The following ITGB1 variants were observed in gnomAD, a reference collection of about 807,000 sequenced individuals.
ITGB1 encodes integrin subunit beta 1.
ITGB1 carries 24 observed loss-of-function variants against 86.5 expected under a neutral mutation model. The observed-to-expected ratio is 0.28, with a 90% CI of 0.20 to 0.39. ITGB1 has a LOEUF of 0.39. ITGB1 is among the 10% of genes least tolerant of loss of function. The probability of loss-of-function intolerance (pLI) is 1.00; values close to 1 mark genes in which losing one functional copy is unlikely to be tolerated. For synonymous variants in ITGB1, 323 were observed against 316.8 expected (o/e 1.02, Z -0.21); for missense variants, 556 against 946.9 (o/e 0.59, Z 5.42).
intron 1 of ITGB1, among the ~76,000 whole-genome samples, chr10:32,946,223 A>G (rs2095031004): frequency 6.6e-6 from 1 of 152,250 alleles, no homozygotes; most frequent in East Asian, 1.9e-4. Context: ...GGAATTATGT[A>G]AAGTAAGCAT....
At chr10:32,917,054 T>A (rs538794465) in intron 11 of ITGB1, among the ~76,000 whole-genome samples, 9 of 152,302 alleles carry the variant, frequency 5.9e-5, no homozygotes, top group South Asian at 2.1e-4. Context: ...TACAACCATC[T>A]GATCTTTGAC....
intron 11 of ITGB1, among the ~76,000 whole-genome samples, chr10:32,916,603 A>G (rs1054388680): frequency 3.9e-5 from 6 of 152,204 alleles, no homozygotes; most frequent in Non-Finnish European, 8.8e-5. Flanking sequence ...TGCTTCAAAG[A>G]GAATAAAATA....
chr10:32,912,434 C>T (rs1219211805), intron 11 of ITGB1, among the ~76,000 whole-genome samples: 2 of 152,186 alleles, frequency 1.3e-5, no homozygotes, highest in Non-Finnish European at 2.9e-5. Context: ...AATCAGGACA[C>T]TCCCACACTA....
rs1475835360 is a variant in ITGB1, at chr10:32,900,654, CAAAGAA to C, written c.*910_*915del. The C allele has an allele frequency of 2.3e-5, 3 of 129,376 alleles. No individual in the cohort carries two copies. The highest frequency in any genetic ancestry group is 5.4e-5 in the Non-Finnish European group (3 of 55,832). The allele number at this position is 129,376 out of a possible 1,614,324, so 8.0% of individuals were successfully genotyped here. ...AAAGGCAAATTGACCGCTAAAACTTCAAAGAAAAAGTACTCATAAAAAAAGTCTTAC... is the reference window on the plus strand; with the variant it reads ...AAAGGCAAATTGACCGCTAAAACTTCAAAGTACTCATAAAAAAAGTCTTAC... On this transcript the variant is annotated 3_prime_UTR_variant, in exon 16 of 16. Coordinates refer to ENST00000302278, the MANE Select transcript of ITGB1 (RefSeq NM_002211.4).
rs1565822525 is a variant in ITGB1 at position 32,917,997 on chromosome 10, T to C, written c.1469+1888A>G. Among the ~76,000 whole-genome samples, 4 of 152,282 alleles carry C rather than the reference T, an allele frequency of 2.6e-5. No individual in the cohort carries two copies. The South Asian group carries it at 6.2e-4, about 24-fold the overall frequency. On this transcript the variant is annotated intron_variant, in intron 11 of 15. Coordinates refer to ENST00000302278, the MANE Select transcript of ITGB1 (RefSeq NM_002211.4). ...AAGAAAATGTGGCACATATACAACA[T>C]GGAATACTATGCAGCCATAAAAAAT...
chr10:32,940,355 A>T (rs1014589734), intron 1 of ITGB1, among the ~76,000 whole-genome samples: 12 of 152,280 alleles, frequency 7.9e-5, no homozygotes, highest in African/African-American at 2.6e-4. Context: ...AAAAAAAAAA[A>T]AAAAATTAAC....
intron 1 of ITGB1, among the ~76,000 whole-genome samples, chr10:32,949,135 T>C (rs565561054): frequency 6.6e-6 from 1 of 152,266 alleles, no homozygotes; most frequent in Admixed American, 6.5e-5. Flanking sequence ...CACCTTCAAA[T>C]GGATATGATA....
chr10:32,952,671 C>T (rs977769669), intron 1 of ITGB1, among the ~76,000 whole-genome samples: 1 of 152,082 alleles, frequency 6.6e-6, no homozygotes, highest in African/African-American at 2.4e-5. Flanking sequence ...TACCTAATTT[C>T]GTATGTAAAT....
chr10:32,934,553 T>C (rs1335472480), intron 2 of ITGB1, among the ~76,000 whole-genome samples: 1 of 152,226 alleles, frequency 6.6e-6, no homozygotes, highest in Non-Finnish European at 1.5e-5. Context: ...AATACCATTT[T>C]ACCACATTTC....
At chr10:32,922,430 A>C in intron 8 of ITGB1, 84 bp from the exon 9 acceptor site, 1 of 945,144 alleles carries the variant, frequency 1.1e-6, no homozygotes, top group Non-Finnish European at 1.7e-6. Context: ...TTATCTTTAA[A>C]TGCCAGTTCC....
chr10:32,950,592 C>T (rs925414865), intron 1 of ITGB1, among the ~76,000 whole-genome samples: 5 of 151,992 alleles, frequency 3.3e-5, no homozygotes, highest in African/African-American at 9.7e-5. Flanking sequence ...AGAGAAGAGG[C>T]TAAGGGATCC....
At chr10:32,936,836 C>G (rs993709945) in intron 1 of ITGB1, among the ~76,000 whole-genome samples, 1 of 151,930 alleles carries the variant, frequency 6.6e-6, no homozygotes, top group African/African-American at 2.4e-5. Flanking sequence ...AAGAAATACT[C>G]AAAAAAGCAA....
At chr10:32,950,265 C>T (rs767801385) in intron 1 of ITGB1, among the ~76,000 whole-genome samples, 31 of 152,134 alleles carry the variant, frequency 2.0e-4, no homozygotes, top group Non-Finnish European at 2.6e-4. Context: ...AATTGAAAGA[C>T]ATGAGGTTCC....
intron 2 of ITGB1, 135 bp downstream of exon 2, chr10:32,935,357 G>GT: frequency 1.6e-6 from 1 of 610,426 alleles, no homozygotes. Flanking sequence ...CTTTCTCTGA[G>GT]TAAGAGGAAC....
At chr10:32,909,709 T>C (rs1212237196) in intron 14 of ITGB1, among the ~76,000 whole-genome samples, 1 of 152,032 alleles carries the variant, frequency 6.6e-6, no homozygotes, top group Non-Finnish European at 1.5e-5. Context: ...TGAAAGCTTA[T>C]GTTCACACAA....
At chr10:32,912,218 C>T in intron 11 of ITGB1, 94 bp from the exon 12 acceptor site, 2 of 960,304 alleles carry the variant, frequency 2.1e-6, no homozygotes, top group Non-Finnish European at 3.2e-6. Flanking sequence ...GTCTACAGCT[C>T]CCAGCGTGAG....
chr10:32,922,443 T>G (rs1325337997), intron 8 of ITGB1, 97 bp from the exon 9 acceptor site: 2 of 875,088 alleles, frequency 2.3e-6, no homozygotes, highest in African/African-American at 3.4e-5. Context: ...CCAGTTCCCA[T>G]GTTTCCTCCT....
chr10:32,939,052 C>G lies in ITGB1; in HGVS notation c.1-3494G>C, dbSNP rs570713382. ...GGTGCCCAAGTCCTACGCCACAAAG[C>G]TCCCAGGACAGCACTTCTCTAAGTG... is the stretch of plus-strand genomic sequence containing the variant. On this transcript the variant is annotated intron_variant, in intron 1 of 15. Transcript: ENST00000302278. 1.5e-3 allele frequency among the ~76,000 whole-genome samples: 230 copies of G among 152,310 alleles called. 1 individual carries two copies. The highest frequency in any genetic ancestry group is 1.9e-3 in the South Asian group (9 of 4,824).
intron 13 of ITGB1, among the ~76,000 whole-genome samples, chr10:32,911,151 C>A (rs2094912067): frequency 6.6e-6 from 1 of 152,134 alleles, no homozygotes; most frequent in Non-Finnish European, 1.5e-5. Flanking sequence ...TTGGTAATGA[C>A]AAATTAAATT....
Sources: gnomAD v4.1 joint callset for allele counts (sites outside exome capture counted in the v4.1 genomes callset) on GRCh38, gnomAD v4.1.1 for gene constraint, MANE v1.5 for transcripts, NCBI Gene and HGNC (gene_info 2026-07-23, HGNC 2026-07-21) for gene names.